Variants in STAR observed in about 807,000 individuals in gnomAD.
The protein encoded by STAR is steroidogenic acute regulatory protein, mitochondrial.
In STAR, 32 loss-of-function variants were observed where a neutral mutation model predicts 32.3. The ratio of observed to expected loss-of-function variants is 0.99; its 90% CI spans 0.75 to 1.33. STAR has a LOEUF of 1.33. Among genes scored for constraint, STAR ranks in the 40% most tolerant of loss-of-function variants. The probability of loss-of-function intolerance (pLI) is 0.00; values close to 1 mark genes in which losing one functional copy is unlikely to be tolerated. For missense variants in STAR, 375 were observed against 379.0 expected, an observed-to-expected ratio of 0.99 and a Z score of 0.09; for synonymous variants, 134 against 140.5, an observed-to-expected ratio of 0.95 and a Z score of 0.33.
chr8:38,145,806 C>A, intron 5 of STAR, 157 bp downstream of exon 5: 1 of 912,394 alleles, frequency 1.1e-6, no homozygotes, highest in Non-Finnish European at 1.7e-6. Flanking sequence ...TTGTCTTTGT[C>A]CCTCCTTTGG....
chr8:38,144,673 T>G, intron 6 of STAR: 2 of 1,228,056 alleles, frequency 1.6e-6, no homozygotes, highest in African/African-American at 3.1e-5. Context: ...TGGACCTAAG[T>G]TTCCTTCTTT....
chr8:38,148,148 T>G, intron 3 of STAR, 52 bp downstream of exon 3: 1 of 1,611,874 alleles, frequency 6.2e-7, no homozygotes. Flanking sequence ...CAGCTGGCCT[T>G]GAGGATGGCA....
chr8:38,148,894 AG>A, intron 1 of STAR, 140 bp from the exon 2 acceptor site: 1 of 708,040 alleles, frequency 1.4e-6, no homozygotes, highest in South Asian at 1.6e-5. Flanking sequence ...GGATTCTAGC[AG>A]GGACCTGAAC....
chr8:38,150,729 C>T lies in STAR; in HGVS notation c.64+26G>A, dbSNP rs779031408. 4 of 1,605,064 alleles carry T rather than the reference C, an allele frequency of 2.5e-6. No homozygotes were observed. In the African/African-American group the frequency reaches 5.3e-5, roughly 21 times the overall value. The stretch of plus-strand genomic sequence containing the variant: ...ATCCGCTGAGAGCTGGCCAACCCCT[C>T]ATCGCCTCCTTCCCGCAGCGCTCAC... On this transcript the variant is annotated intron_variant, in intron 1 of 6. Transcript: ENST00000276449.
Position 38,146,043 on chromosome 8 carries a change from G to C in STAR, c.570C>G (p.Ala190=). ...GPRDFVSVRC[A]KRRGSTCVLA... ...GCACACAGGTGGAGCCTCGGCGCTT[G>C]GCACAGCGCACGCTCACAAAGTCAC... The change falls in exon 5 of 7, where the codon GCC becomes GCG. Residue 190 remains alanine, a synonymous_variant. Coordinates refer to ENST00000276449, the MANE Select transcript of STAR (RefSeq NM_000349.3). The C allele has an allele frequency of 1.2e-6, 2 of 1,614,222 alleles. No homozygotes were observed. The highest frequency in any genetic ancestry group is 1.7e-6 in the Non-Finnish European group (2 of 1,180,044).
Position 38,148,461 on chromosome 8 carries a change from G to T in STAR, c.179-134C>A. 4 of 1,477,386 alleles carry T rather than the reference G, an allele frequency of 2.7e-6. No homozygotes were observed. The South Asian group carries it at 3.6e-5, about 13-fold the overall frequency. 91.5% of individuals were successfully genotyped at this position (1,477,386 alleles called of 1,614,324 possible). ...AGCCATAGGGGCCAGCCTGCTGGTC[G>T]AGTTAATCACAGCCGCCCCAGGTGA... is the stretch of plus-strand genomic sequence containing the variant. On this transcript the variant is annotated intron_variant, in intron 2 of 6. Transcript: ENST00000276449.
Position 38,144,296 on chromosome 8 carries a change from G to A in STAR, c.835C>T (p.Pro279Ser). The change falls in exon 7 of 7, where the codon CCT becomes TCT. Residue 279 changes from proline to serine, a missense_variant. Coordinates refer to ENST00000276449, the MANE Select transcript of STAR (RefSeq NM_000349.3). The part of the protein sequence containing the change: ...NHLRKRLESH[P>S]ASEARC ...CTTCAACACCTGGCTTCAGAGGCAG[G>A]GTGGGACTCCAGGCGCTTGCGCAGG... is the stretch of plus-strand genomic sequence containing the variant. 1 of 1,610,312 alleles carries A rather than the reference G, an allele frequency of 6.2e-7. No individual in the cohort carries two copies. The highest frequency in any genetic ancestry group is 1.1e-5 in the South Asian group (1 of 90,132).
chr8:38,146,030 A>C lies in STAR; in HGVS notation c.583T>G (p.Ser195Ala), dbSNP rs1802564559. 6.2e-7 allele frequency: 1 copy of C among 1,614,126 alleles called. No individual in the cohort carries two copies. Among genetic ancestry groups the C allele is most frequent in the Non-Finnish European group, 8.5e-7 (1 of 1,180,056 alleles). ...VSVRCAKRRG[S>A]TCVLAGMATD... ...GCCATGCCAGCCAGCACACAGGTGGAGCCTCGGCGCTTGGCACAGCGCACG... is the reference window on the plus strand; with the variant it reads ...GCCATGCCAGCCAGCACACAGGTGGCGCCTCGGCGCTTGGCACAGCGCACG... The change falls in exon 5 of 7, where the codon TCC becomes GCC. Residue 195 changes from serine (S) to alanine (A), a missense_variant. Physicochemically the swap from Ser to Ala is moderately conservative, Grantham distance 99. Coordinates refer to ENST00000276449, the MANE Select transcript of STAR (RefSeq NM_000349.3).
intron 4 of STAR, 57 bp from the exon 5 acceptor site, chr8:38,146,204 C>A: frequency 6.2e-7 from 1 of 1,613,296 alleles, no homozygotes; most frequent in Non-Finnish European, 8.5e-7. Flanking sequence ...CTAAGCACCC[C>A]CCACAGCTAG....
intron 1 of STAR, among the ~76,000 whole-genome samples, chr8:38,150,525 GA>G (rs991289794): frequency 2.5e-4 from 38 of 151,996 alleles, no homozygotes; most frequent in Non-Finnish European, 5.0e-4. Context: ...AAGAAAAGGA[GA>G]AAAAAAGATT....
intron 6 of STAR, 142 bp downstream of exon 6, chr8:38,145,080 A>G (rs1369224870): frequency 4.6e-6 from 7 of 1,524,526 alleles, no homozygotes; most frequent in South Asian, 1.2e-5. Context: ...CAGTTAGGCC[A>G]TCACTCCAGA....
chr8:38,144,187 T>C lies in STAR; in HGVS notation c.*86A>G, dbSNP rs1282276824. 3 of 1,367,734 alleles carry C rather than the reference T, an allele frequency of 2.2e-6. No homozygotes were observed. Among genetic ancestry groups the C allele is most frequent in the Non-Finnish European group, 3.0e-6 (3 of 988,880 alleles). The allele number at this position is 1,367,734 out of a possible 1,614,324, so 84.7% of individuals were successfully genotyped here. A position where few individuals can be genotyped will look rare whatever the true frequency, so the allele number is the denominator to read the frequency against. The stretch of plus-strand genomic sequence containing the variant: ...TCCCACTGTCACCAGATGGAGATCT[T>C]AGACTTGCAGGCTTCCAGTAGGGAT... On this transcript the variant is annotated 3_prime_UTR_variant, in exon 7 of 7. Coordinates refer to ENST00000276449, the MANE Select transcript of STAR (RefSeq NM_000349.3).
At chr8:38,145,110 C>G (rs1192430487) in intron 6 of STAR, 112 bp downstream of exon 6, 1 of 1,556,218 alleles carries the variant, frequency 6.4e-7, no homozygotes, top group Non-Finnish European at 8.7e-7. Context: ...GTCTTACAGC[C>G]TGTGATTCTA....
rs1802575617 is a variant in STAR at position 38,146,416 on chromosome 8, A to G, written c.338T>C (p.Val113Ala). ...DNGDKVMSKV[V>A]PDVGKVFRLE... Reference sequence around the variant, plus strand: ...CCGGAACACCTTGCCCACATCTGGGACCACTTTACTCATCACTTTGTCCCC... The same window carrying G: ...CCGGAACACCTTGCCCACATCTGGGGCCACTTTACTCATCACTTTGTCCCC... The change falls in exon 4 of 7, where the codon GTC becomes GCC. Residue 113 changes from valine (V) to alanine (A), a missense_variant. Transcript: ENST00000276449. 3.7e-6 allele frequency: 6 copies of G among 1,614,006 alleles called. No homozygotes were observed. Among genetic ancestry groups the G allele is most frequent in the African/African-American group, 1.3e-5 (1 of 74,928 alleles).
At chr8:38,145,911 C>A in intron 5 of STAR, 52 bp downstream of exon 5, 1 of 1,610,024 alleles carries the variant, frequency 6.2e-7, no homozygotes, top group Non-Finnish European at 8.5e-7. Flanking sequence ...TGGGTGCACA[C>A]CTGCAGGCCT....
chr8:38,150,871 C>CGCT lies in STAR; in HGVS notation c.-56_-54dup. On this transcript the variant is annotated 5_prime_UTR_variant, in exon 1 of 7. Coordinates refer to ENST00000276449, the MANE Select transcript of STAR (RefSeq NM_000349.3). ...GGGTCGCTGCCGCTGCTGCTGCCGC[C>CGCT]GCTGCTGCTGCCTCTTCTCTCAAGG... 1 of 1,600,676 alleles carries CGCT rather than the reference C, an allele frequency of 6.2e-7. No individual in the cohort carries two copies. The highest frequency in any genetic ancestry group is 8.5e-7 in the Non-Finnish European group (1 of 1,179,872).
At chr8:38,149,759 A>T (rs920371907) in intron 1 of STAR, among the ~76,000 whole-genome samples, 33 of 152,068 alleles carry the variant, frequency 2.2e-4, no homozygotes, top group Non-Finnish European at 4.4e-5. Flanking sequence ...GAATTGCTTG[A>T]ACCCAGGACG....
intron 3 of STAR, among the ~76,000 whole-genome samples, chr8:38,147,852 GCA>G (rs1802600394): frequency 6.6e-6 from 1 of 152,228 alleles, no homozygotes; most frequent in South Asian, 2.1e-4. Flanking sequence ...TGGGCTGACA[GCA>G]CAGACAGTGC....
intron 6 of STAR, 53 bp from the exon 7 acceptor site, chr8:38,144,439 T>G: frequency 6.4e-7 from 1 of 1,550,522 alleles, no homozygotes; most frequent in Non-Finnish European, 8.7e-7. Context: ...GGCCCACTCT[T>G]GACACTGCAC....
Sources: allele counts gnomAD v4.1 joint callset (sites outside exome capture counted in the v4.1 genomes callset), GRCh38; gene constraint gnomAD v4.1.1; transcripts MANE v1.5; gene names NCBI Gene and HGNC (gene_info 2026-07-23, HGNC 2026-07-21).